ASPH: variants seen among roughly 807,000 people sequenced by gnomAD.
The protein encoded by ASPH is aspartyl/asparaginyl beta-hydroxylase.
A neutral mutation model predicts 118.4 loss-of-function variants in ASPH; 100 were observed. The ratio of observed to expected loss-of-function variants is 0.84; its 90% CI spans 0.72 to 1.00. The LOEUF (loss-of-function observed/expected upper bound fraction) is 1.00, where lower values mean the gene tolerates loss of function less well. Ranked by LOEUF, ASPH falls within the 50% of genes least tolerant of loss-of-function variation. The probability of loss-of-function intolerance (pLI) is 0.00; values close to 1 mark genes in which losing one functional copy is unlikely to be tolerated. For synonymous variants in ASPH, 315 were observed against 325.6 expected (o/e 0.97, Z 0.35); for missense variants, 920 against 919.5 (o/e 1.00, Z -0.01).
chr8:61,662,546 T>C (rs1817439047), intron 3 of ASPH, among the ~76,000 whole-genome samples: 1 of 152,212 alleles, frequency 6.6e-6, no homozygotes, highest in Non-Finnish European at 1.5e-5. Context: ...GAGAGTGCAA[T>C]GCATGATTTT....
At chr8:61,656,503 T>G (rs1813752613) in intron 3 of ASPH, 1 of 152,204 alleles carries the variant, frequency 6.6e-6, no homozygotes, top group African/African-American at 2.4e-5. Context: ...TTTTCAGTGT[T>G]AATCATCAGG....
chr8:61,509,968 C>T (rs970867571), intron 24 of ASPH, among the ~76,000 whole-genome samples: 15 of 152,220 alleles, frequency 9.9e-5, no homozygotes, highest in African/African-American at 3.6e-4. Flanking sequence ...AAAGTCCCTT[C>T]CCCCATCGCT....
rs1805112740 is a variant in ASPH at position 61,502,513 on chromosome 8, G to A, written c.*846C>T. 1.3e-5 allele frequency: 2 copies of A among 152,060 alleles called. No individual in the cohort carries two copies. 9.4% of individuals were successfully genotyped at this position (152,060 alleles called of 1,614,324 possible). On this transcript the variant is annotated 3_prime_UTR_variant, in exon 25 of 25. Coordinates refer to ENST00000379454, the MANE Select transcript of ASPH (RefSeq NM_004318.4). ...ATCCACCCAACCCTGAAAGAACATA[G>A]TTTTATTTCCGTGAACTATACTTTT...
chr8:61,567,337 C>A lies in ASPH; in HGVS notation c.1150-19G>T, dbSNP rs370622989. On this transcript the variant is annotated intron_variant, in intron 16 of 24. Transcript: ENST00000379454. ...CCTCACACTAGAAGAAGTCCCCAGA[C>A]TGGATAAATGTCCCATGACTAGCTG... The A allele has an allele frequency of 6.2e-7, 1 of 1,605,624 alleles. No homozygotes were observed. The highest frequency in any genetic ancestry group is 8.5e-7 in the Non-Finnish European group (1 of 1,175,300).
At chr8:61,672,170 T>C (rs990027038) in intron 3 of ASPH, among the ~76,000 whole-genome samples, 3 of 152,186 alleles carry the variant, frequency 2.0e-5, no homozygotes, top group African/African-American at 7.2e-5. Flanking sequence ...CTACTCTTAG[T>C]AAAATGCATG....
At chr8:61,587,816 C>G (rs928923616) in intron 14 of ASPH, among the ~76,000 whole-genome samples, 1 of 152,114 alleles carries the variant, frequency 6.6e-6, no homozygotes, top group Non-Finnish European at 1.5e-5. Flanking sequence ...GGCAATTTTC[C>G]CAACTGCTAA....
chr8:61,594,309 T>C (rs935573603), intron 14 of ASPH, among the ~76,000 whole-genome samples: 1 of 152,278 alleles, frequency 6.6e-6, no homozygotes, highest in Non-Finnish European at 1.5e-5. Flanking sequence ...TTTGCTTAAA[T>C]GATGCTTAAA....
intron 21 of ASPH, among the ~76,000 whole-genome samples, chr8:61,543,153 T>C (rs1441320276): frequency 4.6e-4 from 70 of 152,216 alleles, no homozygotes; most frequent in Admixed American, 4.6e-3. Context: ...TTCTCAGATG[T>C]GTAGATTAAT....
At position 61,578,163 on chromosome 8, in the gene ASPH, G is replaced by T. The variant is rs368664331; in HGVS notation, c.1063-1305C>A. The T allele has an allele frequency of 9.3e-6, 14 of 1,504,686 alleles. No homozygotes were observed. In the East Asian group the frequency reaches 2.4e-4, roughly 26 times the overall value. The allele number at this position is 1,504,686 out of a possible 1,614,324, so 93.2% of individuals were successfully genotyped here. A position where few individuals can be genotyped will look rare whatever the true frequency, so the allele number is the denominator to read the frequency against. ...AATTGGACCAAGAAGCAGCTTCTCC[G>T]CTCCTTCTAGGATCTCCGCCTGGTT... On this transcript the variant is annotated intron_variant, in intron 15 of 24. Coordinates refer to ENST00000379454, the MANE Select transcript of ASPH (RefSeq NM_004318.4).
At chr8:61,648,033 T>C (rs1808936387) in intron 5 of ASPH, among the ~76,000 whole-genome samples, 1 of 152,140 alleles carries the variant, frequency 6.6e-6, no homozygotes, top group African/African-American at 2.4e-5. Flanking sequence ...AGGACGAGTA[T>C]GGGGTCCGGA....
intron 15 of ASPH, among the ~76,000 whole-genome samples, chr8:61,577,243 T>C (rs749294210): frequency 6.6e-6 from 1 of 150,990 alleles, no homozygotes; most frequent in Non-Finnish European, 1.5e-5. Flanking sequence ...GGTGAACGGG[T>C]GCACCACATC....
chr8:61,594,556 T>G (rs896294920), intron 14 of ASPH, among the ~76,000 whole-genome samples: 7 of 152,214 alleles, frequency 4.6e-5, no homozygotes, highest in Admixed American at 4.6e-4. Flanking sequence ...ACGGTTTTGC[T>G]TTTCACAGTG....
intron 14 of ASPH, among the ~76,000 whole-genome samples, chr8:61,593,383 C>T (rs984281249): frequency 2.0e-4 from 30 of 152,184 alleles, no homozygotes; most frequent in African/African-American, 7.0e-4. Flanking sequence ...CTCTTTCTTG[C>T]CTCCTACAGC....
intron 10 of ASPH, among the ~76,000 whole-genome samples, chr8:61,641,074 A>T (rs1444704107): frequency 2.0e-5 from 3 of 152,202 alleles, no homozygotes; most frequent in Non-Finnish European, 4.4e-5. Context: ...GTTCAATTAG[A>T]TCTATTTGTT....
intron 5 of ASPH, among the ~76,000 whole-genome samples, chr8:61,649,795 C>A (rs186571020): frequency 1.3e-5 from 2 of 152,276 alleles, no homozygotes; most frequent in Admixed American, 1.3e-4. Flanking sequence ...TTGCATCCCC[C>A]CATGCATTTT....
At chr8:61,537,788 G>T (rs1820202825) in intron 21 of ASPH, among the ~76,000 whole-genome samples, 1 of 152,046 alleles carries the variant, frequency 6.6e-6, no homozygotes, top group African/African-American at 2.4e-5. Context: ...TGTGCTGTAA[G>T]TTCCCAAAGA....
At chr8:61,669,864 T>C (rs1019515676) in intron 3 of ASPH, among the ~76,000 whole-genome samples, 2 of 152,152 alleles carry the variant, frequency 1.3e-5, no homozygotes, top group African/African-American at 4.8e-5. Context: ...TTAACTTTTG[T>C]CATGAATAAA....
intron 13 of ASPH, among the ~76,000 whole-genome samples, chr8:61,621,178 T>C (rs1300031285): frequency 6.6e-6 from 1 of 152,320 alleles, no homozygotes; most frequent in African/African-American, 2.4e-5. Context: ...TCTCTTATTC[T>C]CATTCTTGTC....
chr8:61,692,657 C>T (rs35269225), intron 1 of ASPH, among the ~76,000 whole-genome samples: 22,400 of 152,102 alleles, frequency 0.15, 1,677 homozygotes, highest in African/African-American at 0.19. Context: ...CCCCTCACCC[C>T]GGATCAGCTA....
Sources: gnomAD v4.1 joint callset for allele counts (sites outside exome capture counted in the v4.1 genomes callset) on GRCh38, gnomAD v4.1.1 for gene constraint, MANE v1.5 for transcripts, NCBI Gene and HGNC (gene_info 2026-07-23, HGNC 2026-07-21) for gene names.